NOSTRIN: variants seen among roughly 807,000 people sequenced by gnomAD.
The protein encoded by NOSTRIN is BM247 homolog.
In NOSTRIN, 63 loss-of-function variants were observed where a neutral mutation model predicts 59.0. The ratio of observed to expected loss-of-function variants is 1.07; its 90% CI spans 0.87 to 1.32. The LOEUF is 1.32. Ranked by LOEUF, NOSTRIN falls within the 40% of genes most tolerant of loss-of-function variation. The pLI, the probability that NOSTRIN is intolerant of heterozygous loss-of-function variation, is 0.00. For synonymous variants in NOSTRIN, 200 were observed against 165.4 expected (o/e 1.21, Z -1.61); for missense variants, 512 against 473.1 (o/e 1.08, Z -0.76).
Position 168,855,430 on chromosome 2 carries a change from G to C in NOSTRIN, c.934G>C (p.Asp312His). 1 of 1,610,320 alleles carries C rather than the reference G, an allele frequency of 6.2e-7. No homozygotes were observed. Among genetic ancestry groups the C allele is most frequent in the Non-Finnish European group, 8.5e-7 (1 of 1,177,336 alleles). Residue 312 changes from aspartate to histidine, a missense_variant, in exon 11 of 16, where the codon GAC becomes CAC. Transcript: ENST00000317647. ...ACCAAAATTATTGAGACTGCAGAGA[G>C]ACATTGAAAAAGCCTCAAAAGACAA... ...LKPKLLRLQR[D>H]IEKASKDKEG...
chr2:168,859,929 AAT>A (rs1689339920), intron 13 of NOSTRIN, among the ~76,000 whole-genome samples: 10 of 152,180 alleles, frequency 6.6e-5, no homozygotes, highest in Admixed American at 6.5e-4. Flanking sequence ...TTTACAGTAA[AAT>A]TTCTATTAAA....
chr2:168,797,079 CTTTTTTTTT>C (rs775176252), upstream of NOSTRIN, among the ~76,000 whole-genome samples: 7 of 75,054 alleles, frequency 9.3e-5, no homozygotes, highest in African/African-American at 3.3e-4. Context: ...TTTCTTTTTT[CTTTTTTTTT>C]TTTTTTTTTT....
Position 168,824,770 on chromosome 2 carries a change from T to TTGTTTGTTTGTTTGTA in NOSTRIN, c.197+68_197+69insATGTTTGTTTGTTTGT, listed in dbSNP as rs1190711301. Reference sequence around the variant, plus strand: ...AATCAACCCTTTTTTTATTTGTTTTTTGTTTGTTTGTTTGTTTGTTTTTTG... The same window carrying TTGTTTGTTTGTTTGTA: ...AATCAACCCTTTTTTTATTTGTTTTTTGTTTGTTTGTTTGTATGTTTGTTTGTTTGTTTGTTTTTTG... On this transcript the variant is annotated intron_variant, in intron 3 of 15. Coordinates refer to ENST00000317647, the MANE Select transcript of NOSTRIN (RefSeq NM_001039724.4). The TTGTTTGTTTGTTTGTA allele has an allele frequency of 5.1e-5, 39 of 770,522 alleles. No homozygotes were observed. In the East Asian group the frequency reaches 5.3e-4, roughly 10 times the overall value. 47.7% of individuals were successfully genotyped at this position (770,522 alleles called of 1,614,324 possible). A position where few individuals can be genotyped will look rare whatever the true frequency, so the allele number is the denominator to read the frequency against.
chr2:168,832,280 T>A (rs547551183), intron 6 of NOSTRIN, among the ~76,000 whole-genome samples: 1 of 152,166 alleles, frequency 6.6e-6, no homozygotes. Flanking sequence ...CATATCTGTA[T>A]GAGTTCTTAA....
chr2:168,802,652 G>A lies in NOSTRIN; in HGVS notation c.6G>A (p.Arg2=). Residue 2 remains arginine (R), a synonymous_variant, in exon 1 of 16, where the codon AGG becomes AGA. Coordinates refer to ENST00000317647, the MANE Select transcript of NOSTRIN (RefSeq NM_001039724.4). M[R]DPLTDCPYNK... ...AAAGCCAGACACATTTCAACATGAGGGACCCACTGACAGATTGTCCGGTGA... is the reference window on the plus strand; with the variant it reads ...AAAGCCAGACACATTTCAACATGAGAGACCCACTGACAGATTGTCCGGTGA... 2.3e-6 allele frequency: 2 copies of A among 869,580 alleles called. No homozygotes were observed. 53.9% of individuals were successfully genotyped at this position (869,580 alleles called of 1,614,324 possible).
chr2:168,828,849 C>T (rs1232190282), intron 5 of NOSTRIN, among the ~76,000 whole-genome samples: 1 of 151,266 alleles, frequency 6.6e-6, no homozygotes, highest in Non-Finnish European at 1.5e-5. Context: ...CAGTATACTG[C>T]TAAATAAAGC....
chr2:168,804,374 C>T lies in NOSTRIN; in HGVS notation c.27+1701C>T, dbSNP rs894331112. ...AAGTATCCGGGAGTCATGGGGAGGGCGGATATCCCTTCAGCCTGGGTTTCC... is the reference window on the plus strand; with the variant it reads ...AAGTATCCGGGAGTCATGGGGAGGGTGGATATCCCTTCAGCCTGGGTTTCC... On this transcript the variant is annotated intron_variant, in intron 1 of 15. Transcript: ENST00000317647. Among the ~76,000 whole-genome samples, 158 of 152,228 alleles carry T rather than the reference C, an allele frequency of 1.0e-3. 2 individuals are homozygous for T. The highest frequency in any genetic ancestry group is 0.01 in the Admixed American group (153 of 15,300).
At chr2:168,814,495 C>T (rs1417469702) in intron 2 of NOSTRIN, among the ~76,000 whole-genome samples, 1 of 152,204 alleles carries the variant, frequency 6.6e-6, no homozygotes, top group Non-Finnish European at 1.5e-5. Context: ...GTAATCTTCC[C>T]TTGTATTAGA....
At chr2:168,832,547 C>A (rs1027623646) in intron 6 of NOSTRIN, among the ~76,000 whole-genome samples, 5 of 152,118 alleles carry the variant, frequency 3.3e-5, no homozygotes, top group African/African-American at 7.2e-5. Context: ...CAGAGACAGG[C>A]AAACTTGGTG....
chr2:168,793,262 G>A (rs534089641), upstream of NOSTRIN, among the ~76,000 whole-genome samples: 104 of 152,072 alleles, frequency 6.8e-4, 1 homozygote, highest in Admixed American at 2.4e-3. Flanking sequence ...CCTTATCTCA[G>A]TTCTCTTTAG....
upstream of NOSTRIN, among the ~76,000 whole-genome samples, chr2:168,795,851 T>C (rs1328160979): frequency 6.6e-6 from 1 of 152,252 alleles, no homozygotes; most frequent in Non-Finnish European, 1.5e-5. Context: ...CATTAGTGTT[T>C]GTCCCCACTG....
chr2:168,840,516 C>T (rs1397372987), intron 7 of NOSTRIN, among the ~76,000 whole-genome samples: 2 of 107,096 alleles, frequency 1.9e-5, no homozygotes, highest in Admixed American at 1.5e-4. Context: ...GGGGACAGGG[C>T]GAGACTCCAT....
chr2:168,833,438 T>C (rs1031179627), intron 6 of NOSTRIN, among the ~76,000 whole-genome samples: 1 of 152,242 alleles, frequency 6.6e-6, no homozygotes, highest in Non-Finnish European at 1.5e-5. Flanking sequence ...CTTTACTATC[T>C]GGTTTGACAG....
intron 3 of NOSTRIN, among the ~76,000 whole-genome samples, chr2:168,827,930 A>T (rs1687142056): frequency 6.6e-6 from 1 of 152,000 alleles, no homozygotes; most frequent in South Asian, 2.1e-4. Flanking sequence ...TAGGAAATGA[A>T]AATCTAAATG....
At chr2:168,847,112 A>AG (rs1688477901) in intron 8 of NOSTRIN, among the ~76,000 whole-genome samples, 1 of 152,236 alleles carries the variant, frequency 6.6e-6, no homozygotes, top group Non-Finnish European at 1.5e-5. Context: ...TTATGAAATA[A>AG]TTAAAGTGGT....
At chr2:168,836,201 G>A (rs977268062) in intron 7 of NOSTRIN, among the ~76,000 whole-genome samples, 1 of 152,216 alleles carries the variant, frequency 6.6e-6, no homozygotes, top group African/African-American at 2.4e-5. Flanking sequence ...CCGAAGAGGC[G>A]AACCCAGTCT....
chr2:168,833,822 G>A (rs1448518059), intron 6 of NOSTRIN, among the ~76,000 whole-genome samples: 3 of 151,910 alleles, frequency 2.0e-5, no homozygotes, highest in Admixed American at 2.0e-4. Context: ...ATCTCAAATC[G>A]TGGCCTAGGT....
intron 2 of NOSTRIN, among the ~76,000 whole-genome samples, chr2:168,816,274 C>G (rs548576494): frequency 3.3e-5 from 5 of 152,310 alleles, no homozygotes; most frequent in Non-Finnish European, 5.9e-5. Context: ...CTTTAACGCG[C>G]CTTTCACTCT....
chr2:168,821,066 A>G (rs1686708952), intron 2 of NOSTRIN, among the ~76,000 whole-genome samples: 1 of 152,234 alleles, frequency 6.6e-6, no homozygotes, highest in African/African-American at 2.4e-5. Flanking sequence ...ATACACAATA[A>G]TCATATTAGA....
Sources: allele counts gnomAD v4.1 joint callset (sites outside exome capture counted in the v4.1 genomes callset), GRCh38; gene constraint gnomAD v4.1.1; transcripts MANE v1.5; gene names NCBI Gene and HGNC (gene_info 2026-07-23, HGNC 2026-07-21).